Variants in AKAP19 observed in about 807,000 individuals in gnomAD.
AKAP19 encodes the protein A-kinase anchoring protein 19.
At chr2:190,197,878 C>T in the AKAP19 span, among the ~76,000 whole-genome samples, 1 of 152,192 alleles carries the variant, frequency 6.6e-6, no homozygotes, top group Admixed American at 6.5e-5. The surrounding 1 kb of genome is among the most constrained non-coding windows in gnomAD (Gnocchi z 4.0). Context: ...TGGTTCCACT[C>T]ACAGCCTTTT....
chr2:189,959,002 C>T, the AKAP19 span, among the ~76,000 whole-genome samples: 4 of 151,842 alleles, frequency 2.6e-5, no homozygotes, highest in Admixed American at 6.6e-5. Flanking sequence ...AAAGTGGTGA[C>T]CGCTAAGGGA....
the AKAP19 span, among the ~76,000 whole-genome samples, chr2:190,081,061 A>G: frequency 5.9e-5 from 9 of 152,142 alleles, no homozygotes; most frequent in Non-Finnish European, 1.3e-4. Context: ...TAAAAAACAT[A>G]TTTTAAGATG....
chr2:190,102,670 T>C, the AKAP19 span, among the ~76,000 whole-genome samples: 2 of 151,368 alleles, frequency 1.3e-5, no homozygotes, highest in African/African-American at 2.4e-5. Context: ...CAATACTGAG[T>C]TTCATAGTTG....
At chr2:190,050,846 C>G in the AKAP19 span, among the ~76,000 whole-genome samples, 1 of 152,152 alleles carries the variant, frequency 6.6e-6, no homozygotes, top group East Asian at 1.9e-4. Context: ...ATGAGCTGAA[C>G]TGGATGTAAG....
chr2:189,893,664 G>C, the AKAP19 span, among the ~76,000 whole-genome samples: 1 of 152,116 alleles, frequency 6.6e-6, no homozygotes, highest in Admixed American at 6.6e-5. Flanking sequence ...GTTCCTGTTC[G>C]GCCATCGTGC....
the AKAP19 span, among the ~76,000 whole-genome samples, chr2:190,141,065 A>C: frequency 1.3e-5 from 2 of 152,090 alleles, no homozygotes; most frequent in Non-Finnish European, 2.9e-5. Flanking sequence ...ATTCCCAACA[A>C]GTTTCTTATC....
At chr2:190,151,158 C>T in the AKAP19 span, among the ~76,000 whole-genome samples, 2 of 152,150 alleles carry the variant, frequency 1.3e-5, no homozygotes, top group African/African-American at 4.8e-5. Flanking sequence ...TTTTGACATA[C>T]ATAAATGTTT....
the AKAP19 span, chr2:189,879,927 C>T: frequency 0.032 from 4,940 of 152,368 alleles, 266 homozygotes; most frequent in African/African-American, 0.11. Context: ...GGAAGTCAGA[C>T]CTGCAGGCCC....
At chr2:189,965,193 G>C in the AKAP19 span, among the ~76,000 whole-genome samples, 1 of 152,068 alleles carries the variant, frequency 6.6e-6, no homozygotes, top group Non-Finnish European at 1.5e-5. Context: ...CCAGTTGGTG[G>C]AACAGTCAGA....
At chr2:190,186,108 C>T in the AKAP19 span, among the ~76,000 whole-genome samples, 2 of 151,278 alleles carry the variant, frequency 1.3e-5, no homozygotes, top group Admixed American at 1.3e-4. This position sits in a 1 kb window ranked among gnomAD's most constrained non-coding sequence, Gnocchi z 5.5. Flanking sequence ...TATGCCACCA[C>T]ACCTGGCTGA....
chr2:190,040,149 A>G, the AKAP19 span, among the ~76,000 whole-genome samples: 1 of 152,198 alleles, frequency 6.6e-6, no homozygotes, highest in Non-Finnish European at 1.5e-5. Flanking sequence ...AACGGCGTAT[A>G]AGTGTTCCTT....
At chr2:189,896,787 A>G in the AKAP19 span, among the ~76,000 whole-genome samples, 1 of 152,088 alleles carries the variant, frequency 6.6e-6, no homozygotes, top group African/African-American at 2.4e-5. Context: ...GGGTCCTCAT[A>G]TTACATTTTT....
At chr2:189,998,351 C>T in the AKAP19 span, among the ~76,000 whole-genome samples, 2 of 152,094 alleles carry the variant, frequency 1.3e-5, no homozygotes, top group Non-Finnish European at 2.9e-5. Context: ...ATTTCTTCAC[C>T]GTCTGATAGA....
the AKAP19 span, among the ~76,000 whole-genome samples, chr2:190,063,396 CTGAG>C: frequency 6.2e-3 from 949 of 152,144 alleles, 12 homozygotes; most frequent in Middle Eastern, 0.024. Flanking sequence ...GAACTTTTGA[CTGAG>C]TGCTATTATT....
chr2:190,195,345 C>G, the AKAP19 span, among the ~76,000 whole-genome samples: 1 of 152,180 alleles, frequency 6.6e-6, no homozygotes, highest in Admixed American at 6.5e-5. Context: ...TACCAAGAAG[C>G]AGAACTGCTG....
the AKAP19 span, among the ~76,000 whole-genome samples, chr2:189,944,070 C>T: frequency 2.6e-5 from 4 of 152,144 alleles, no homozygotes; most frequent in African/African-American, 9.7e-5. Context: ...GGAATGCATA[C>T]AAGGCGGGCT....
chr2:190,083,447 T>G, the AKAP19 span, among the ~76,000 whole-genome samples: 9 of 152,192 alleles, frequency 5.9e-5, no homozygotes, highest in African/African-American at 2.2e-4. Flanking sequence ...TTAATGAGTT[T>G]ACTTGAGCCA....
chr2:190,016,000 C>A, the AKAP19 span, among the ~76,000 whole-genome samples: 1 of 152,184 alleles, frequency 6.6e-6, no homozygotes, highest in African/African-American at 2.4e-5. Context: ...TTGTCTACAT[C>A]ATCATCAGCA....
chr2:189,917,026 G>A, the AKAP19 span, among the ~76,000 whole-genome samples: 1 of 151,964 alleles, frequency 6.6e-6, no homozygotes, highest in Non-Finnish European at 1.5e-5. Flanking sequence ...TACTAAATGT[G>A]GCAGGGTTCA....
Sources: gnomAD v4.1 joint callset for allele counts (sites outside exome capture counted in the v4.1 genomes callset) on GRCh38, gnomAD v4.1.1 for gene constraint, Gnocchi (gnomAD v3.1) non-coding constraint, MANE v1.5 for transcripts, NCBI Gene and HGNC (gene_info 2026-07-23, HGNC 2026-07-21) for gene names.